Variants in ZNF519 observed in about 807,000 individuals in gnomAD.
ZNF519 encodes similar to Zinc finger protein 85 (Zinc finger protein HPF4) (HTF1).
ZNF519 carries 7 observed loss-of-function variants against 7.4 expected under a neutral mutation model. The observed-to-expected ratio is 0.94, with a 90% CI of 0.54 to 1.77. The LOEUF (loss-of-function observed/expected upper bound fraction) is 1.77, where lower values mean the gene tolerates loss of function less well. Ranked by LOEUF, ZNF519 falls within the 40% of genes most tolerant of loss-of-function variation. The probability of loss-of-function intolerance (pLI) is 0.00; values close to 1 mark genes in which losing one functional copy is unlikely to be tolerated. For synonymous variants in ZNF519, 179 were observed against 203.3 expected (o/e 0.88, Z 1.02); for missense variants, 586 against 623.1 (o/e 0.94, Z 0.63).
At position 14,105,167 on chromosome 18, in the gene ZNF519, T is replaced by C. The variant is rs767079907; in HGVS notation, c.1373A>G (p.Lys458Arg). ...GCCACATTCTTCACATTTGAAAGAC[T>C]TCTCTCCAGTATGGATTCTTTGATG... ...TRHQRIHTGE[K>R]SFKCEECGKA... Residue 458 changes from lysine (K) to arginine (R), a missense_variant, in exon 3 of 3, where the codon AAG becomes AGG. Transcript: ENST00000590202. 1.3e-5 allele frequency: 21 copies of C among 1,571,534 alleles called. No homozygotes were observed. Among genetic ancestry groups the C allele is most frequent in the South Asian group, 2.2e-5 (2 of 90,316 alleles).
intron 2 of ZNF519, chr18:14,122,317 A>C (rs1259729094): frequency 6.6e-6 from 1 of 152,176 alleles, no homozygotes; most frequent in East Asian, 1.9e-4. Flanking sequence ...GTAGAATCAC[A>C]TTTGCAACCT....
In ZNF519 at chr18:14,103,132, C is replaced by T. The variant is rs1428765864; in HGVS notation, c.*1785G>A. ...CAGAAGTATAGAAACTTCTATACTCCAATGTAAATAATGGGCAGAAAAAGT... is the reference window on the plus strand; with the variant it reads ...CAGAAGTATAGAAACTTCTATACTCTAATGTAAATAATGGGCAGAAAAAGT... On this transcript the variant is annotated 3_prime_UTR_variant, in exon 3 of 3. Transcript: ENST00000590202. 6.6e-6 allele frequency: 1 copy of T among 151,892 alleles called. No homozygotes were observed. Among genetic ancestry groups the T allele is most frequent in the Non-Finnish European group, 1.5e-5 (1 of 67,944 alleles). 9.4% of individuals were successfully genotyped at this position (151,892 alleles called of 1,614,324 possible). A position where few individuals can be genotyped will look rare whatever the true frequency, so the allele number is the denominator to read the frequency against.
downstream of ZNF519, among the ~76,000 whole-genome samples, chr18:14,098,265 A>G (rs1228994568): frequency 6.6e-6 from 1 of 151,658 alleles, no homozygotes; most frequent in Non-Finnish European, 1.5e-5. Context: ...GGTTCAGGTA[A>G]TTCTCCTGCC....
At chr18:14,123,473 C>T (rs1001345362) in intron 2 of ZNF519, among the ~76,000 whole-genome samples, 1 of 152,124 alleles carries the variant, frequency 6.6e-6, no homozygotes, top group Non-Finnish European at 1.5e-5. Flanking sequence ...AATCTCAATA[C>T]TTTGAGAGGC....
intron 2 of ZNF519, among the ~76,000 whole-genome samples, chr18:14,107,318 T>C (rs781053237): frequency 6.6e-6 from 1 of 152,180 alleles, no homozygotes; most frequent in East Asian, 1.9e-4. Flanking sequence ...TTAAAATTTC[T>C]AGGTACATGC....
At chr18:14,087,158 T>C (rs1205801976) in intron 2 of ZNF519, among the ~76,000 whole-genome samples, 1 of 152,144 alleles carries the variant, frequency 6.6e-6, no homozygotes, top group Non-Finnish European at 1.5e-5. Flanking sequence ...TCTCATTAGA[T>C]AAAAACTGTC....
rs1250173084 is a variant in ZNF519 at position 14,104,568 on chromosome 18, CAAT to C, written c.*346_*348del. 1 of 185,762 alleles carries C rather than the reference CAAT, an allele frequency of 5.4e-6. No individual in the cohort carries two copies. The highest frequency in any genetic ancestry group is 1.5e-4 in the East Asian group (1 of 6,840). 11.5% of individuals were successfully genotyped at this position (185,762 alleles called of 1,614,324 possible). On this transcript the variant is annotated 3_prime_UTR_variant, in exon 3 of 3. Coordinates refer to ENST00000590202, the MANE Select transcript of ZNF519 (RefSeq NM_145287.4). ...AAGGTTAATTTGAATTTAATTACAT[CAAT>C]AATACTTTCTCAATCATGAATACTG...
intron 2 of ZNF519, among the ~76,000 whole-genome samples, chr18:14,119,077 A>G (rs953395834): frequency 1.3e-5 from 2 of 152,156 alleles, no homozygotes; most frequent in African/African-American, 2.4e-5. Flanking sequence ...TTAATGTCCT[A>G]AAGGAAATCT....
intron 2 of ZNF519, among the ~76,000 whole-genome samples, chr18:14,118,756 A>T (rs1320495795): frequency 1.3e-5 from 2 of 152,146 alleles, no homozygotes; most frequent in African/African-American, 4.8e-5. Flanking sequence ...TCCTCCTATC[A>T]AGAGAGATGC....
At chr18:14,132,221 C>T in intron 1 of ZNF519, 54 bp downstream of exon 1, 4 of 1,608,492 alleles carry the variant, frequency 2.5e-6, no homozygotes, top group Non-Finnish European at 3.4e-6. Context: ...CATGTCCAGC[C>T]GGTTCCAAGG....
intron 2 of ZNF519, among the ~76,000 whole-genome samples, chr18:14,110,951 C>G (rs996426499): frequency 6.6e-6 from 1 of 151,930 alleles, no homozygotes; most frequent in African/African-American, 2.4e-5. Context: ...GTACACTGCT[C>G]GGGTGACAGG....
At chr18:14,116,709 G>A (rs1050934574) in intron 2 of ZNF519, among the ~76,000 whole-genome samples, 2 of 152,080 alleles carry the variant, frequency 1.3e-5, no homozygotes, top group Non-Finnish European at 2.9e-5. Context: ...ACAATTTTTG[G>A]AGGAAAATAT....
At chr18:14,124,218 C>T in intron 2 of ZNF519, 132 bp downstream of exon 2, 1 of 740,614 alleles carries the variant, frequency 1.4e-6, no homozygotes, top group Non-Finnish European at 2.0e-6. Context: ...CACTAGCAAA[C>T]TCCCATTTTT....
At chr18:14,112,859 CTT>C (rs1283595304) in intron 2 of ZNF519, among the ~76,000 whole-genome samples, 1 of 152,120 alleles carries the variant, frequency 6.6e-6, no homozygotes, top group African/African-American at 2.4e-5. Context: ...AATCTACAGA[CTT>C]AATGCAACCC....
rs1598526209 is a variant in ZNF519, at chr18:14,132,145, C to T, written c.3+130G>A. On this transcript the variant is annotated intron_variant, in intron 1 of 2. Coordinates refer to ENST00000590202, the MANE Select transcript of ZNF519 (RefSeq NM_145287.4). ...AGGGACAGGACAGGACGCCCGGAGT[C>T]CCTGCACCGGAGGGGACTGAGGGCT... 2.9e-6 allele frequency: 3 copies of T among 1,051,986 alleles called. No homozygotes were observed. The East Asian group carries it at 7.1e-5, about 25-fold the overall frequency. The allele number at this position is 1,051,986 out of a possible 1,614,324, so 65.2% of individuals were successfully genotyped here. A position where few individuals can be genotyped will look rare whatever the true frequency, so the allele number is the denominator to read the frequency against.
downstream of ZNF519, chr18:14,075,947 TGTGA>T (rs2046045937): frequency 6.6e-6 from 1 of 152,074 alleles, no homozygotes; most frequent in South Asian, 2.1e-4. Context: ...ACATATTTAC[TGTGA>T]GTACTATATT....
At chr18:14,111,920 T>G (rs554120202) in intron 2 of ZNF519, among the ~76,000 whole-genome samples, 1 of 152,230 alleles carries the variant, frequency 6.6e-6, no homozygotes, top group South Asian at 2.1e-4. Context: ...CCTTGTTCTG[T>G]AAGGCAAGCA....
At chr18:14,120,999 T>G (rs530310388) in intron 2 of ZNF519, among the ~76,000 whole-genome samples, 7 of 152,092 alleles carry the variant, frequency 4.6e-5, no homozygotes, top group Non-Finnish European at 7.4e-5. Flanking sequence ...AAGAATACTA[T>G]TCAGCCATAA....
At chr18:14,089,082 G>C (rs1339229878) in intron 2 of ZNF519, among the ~76,000 whole-genome samples, 2 of 151,992 alleles carry the variant, frequency 1.3e-5, no homozygotes, top group Non-Finnish European at 2.9e-5. Context: ...AAAACTTACA[G>C]AATTAAAACT....
Sources: allele counts gnomAD v4.1 joint callset (sites outside exome capture counted in the v4.1 genomes callset), GRCh38; gene constraint gnomAD v4.1.1; transcripts MANE v1.5; gene names NCBI Gene and HGNC (gene_info 2026-07-23, HGNC 2026-07-21).